KCNH1: variants seen among roughly 807,000 people sequenced by gnomAD.
KCNH1 encodes the protein voltage-gated delayed rectifier potassium channel KCNH1.
Under a neutral mutation model 69.2 loss-of-function variants are expected in KCNH1, and 27 were observed. The observed-to-expected ratio is 0.39, with a 90% CI of 0.29 to 0.54. The LOEUF is 0.54. Among genes scored for constraint, KCNH1 ranks in the 20% least tolerant of loss-of-function variants. KCNH1 has a pLI of 0.68. For missense variants in KCNH1, 798 were observed against 1,261.6 expected (o/e 0.63, Z 5.57); for synonymous variants, 456 against 487.7 (o/e 0.93, Z 0.86).
chr1:210,965,259 G>A (rs1688377134), intron 6 of KCNH1, among the ~76,000 whole-genome samples: 1 of 152,066 alleles, frequency 6.6e-6, no homozygotes, highest in Non-Finnish European at 1.5e-5. Flanking sequence ...AGAGCAATCA[G>A]GCAAGAGAAA....
chr1:210,693,837 G>A (rs1367442050), intron 10 of KCNH1, among the ~76,000 whole-genome samples: 1 of 152,138 alleles, frequency 6.6e-6, no homozygotes, highest in Non-Finnish European at 1.5e-5. Context: ...GGGTATCCCT[G>A]GGAGACGCAT....
intron 10 of KCNH1, among the ~76,000 whole-genome samples, chr1:210,746,072 G>C (rs1683145867): frequency 6.6e-6 from 1 of 152,098 alleles, no homozygotes; most frequent in African/African-American, 2.4e-5. Flanking sequence ...CAGCATCCTG[G>C]GATCTAGTTG....
At chr1:210,687,866 C>T (rs901683242) in intron 10 of KCNH1, among the ~76,000 whole-genome samples, 4 of 152,180 alleles carry the variant, frequency 2.6e-5, no homozygotes, top group Non-Finnish European at 4.4e-5. Context: ...AGATGCTCCA[C>T]AGCTCCCCAT....
intron 5 of KCNH1, among the ~76,000 whole-genome samples, chr1:211,077,890 C>A (rs1171859108): frequency 6.6e-6 from 1 of 150,916 alleles, no homozygotes; most frequent in Non-Finnish European, 1.5e-5. Flanking sequence ...CACATATAGG[C>A]TCAAAATAAA....
chr1:210,994,312 C>A (rs1688985388), intron 6 of KCNH1, among the ~76,000 whole-genome samples: 1 of 152,132 alleles, frequency 6.6e-6, no homozygotes, highest in Non-Finnish European at 1.5e-5. Context: ...ATCTGAATGC[C>A]TATTGTGTGC....
chr1:210,784,694 A>C (rs1008988015), intron 9 of KCNH1, among the ~76,000 whole-genome samples: 3 of 149,896 alleles, frequency 2.0e-5, no homozygotes, highest in African/African-American at 7.5e-5. Flanking sequence ...ATATTCAAGA[A>C]ACATTTGTTT....
chr1:210,954,321 T>C (rs1339013115), intron 6 of KCNH1, among the ~76,000 whole-genome samples: 1 of 152,244 alleles, frequency 6.6e-6, no homozygotes, highest in Non-Finnish European at 1.5e-5. Flanking sequence ...ACATTTGGGT[T>C]GGTTCCAAGT....
chr1:210,775,567 A>G, intron 9 of KCNH1, 23 bp from the exon 10 acceptor site: 2 of 1,602,710 alleles, frequency 1.2e-6, no homozygotes, highest in Non-Finnish European at 1.7e-6. Context: ...GGTTGTCATG[A>G]GGAAAGTGTT....
At chr1:210,841,290 T>C (rs1289003001) in intron 7 of KCNH1, among the ~76,000 whole-genome samples, 2 of 152,142 alleles carry the variant, frequency 1.3e-5, no homozygotes, top group South Asian at 2.1e-4. Context: ...ATTAATACCA[T>C]AAAAGGCCAG....
chr1:210,695,487 C>G (rs1681619100), intron 10 of KCNH1, among the ~76,000 whole-genome samples: 1 of 152,182 alleles, frequency 6.6e-6, no homozygotes, highest in Non-Finnish European at 1.5e-5. Flanking sequence ...GCACCTGAGA[C>G]TATCAATATA....
At chr1:211,073,637 C>T (rs1208787129) in intron 5 of KCNH1, among the ~76,000 whole-genome samples, 1 of 151,874 alleles carries the variant, frequency 6.6e-6, no homozygotes, top group Non-Finnish European at 1.5e-5. Flanking sequence ...AAGAATATAT[C>T]TCAAGAGAAA....
chr1:211,037,492 C>CTTTTTTT (rs59386390), intron 5 of KCNH1, among the ~76,000 whole-genome samples: 5 of 115,394 alleles, frequency 4.3e-5, no homozygotes, highest in African/African-American at 1.0e-4. Flanking sequence ...TAATTCAGTG[C>CTTTTTTT]TTTTTTTTTT....
chr1:211,125,133 G>A (rs192694782), intron 1 of KCNH1, among the ~76,000 whole-genome samples: 2 of 152,280 alleles, frequency 1.3e-5, no homozygotes, highest in East Asian at 1.9e-4. Context: ...AGATGACCTC[G>A]CAGGAAAGAA....
At chr1:210,907,809 G>A (rs577337681) in intron 7 of KCNH1, among the ~76,000 whole-genome samples, 6 of 152,322 alleles carry the variant, frequency 3.9e-5, no homozygotes, top group African/African-American at 1.2e-4. Context: ...AAGGAGAGCA[G>A]ATGCTACCAG....
chr1:211,004,990 T>C (rs1192493069), intron 6 of KCNH1, among the ~76,000 whole-genome samples: 1 of 152,054 alleles, frequency 6.6e-6, no homozygotes, highest in East Asian at 1.9e-4. Context: ...ATAATAAAGT[T>C]AGTAAATTGG....
intron 7 of KCNH1, among the ~76,000 whole-genome samples, chr1:210,825,205 T>G (rs1685010341): frequency 6.6e-6 from 1 of 152,188 alleles, no homozygotes; most frequent in Non-Finnish European, 1.5e-5. Flanking sequence ...AAAAATGGTG[T>G]TCTATGAAGA....
At chr1:211,106,260 G>A (rs1203819388) in intron 2 of KCNH1, among the ~76,000 whole-genome samples, 1 of 152,224 alleles carries the variant, frequency 6.6e-6, no homozygotes, top group Non-Finnish European at 1.5e-5. Context: ...GGCACAGCAG[G>A]GGAATGTCTG....
intron 7 of KCNH1, among the ~76,000 whole-genome samples, chr1:210,820,094 T>C (rs1418092471): frequency 6.6e-6 from 1 of 152,250 alleles, no homozygotes; most frequent in Non-Finnish European, 1.5e-5. Flanking sequence ...TAAATTATTG[T>C]TGTTGTTTTA....
chr1:210,701,040 C>T (rs1681762165), intron 10 of KCNH1, among the ~76,000 whole-genome samples: 1 of 152,132 alleles, frequency 6.6e-6, no homozygotes, highest in Non-Finnish European at 1.5e-5. Context: ...CGGGTTCACG[C>T]CACTCTCCTG....
Sources: gnomAD v4.1 joint callset for allele counts (sites outside exome capture counted in the v4.1 genomes callset) on GRCh38, gnomAD v4.1.1 for gene constraint, MANE v1.5 for transcripts, NCBI Gene and HGNC (gene_info 2026-07-23, HGNC 2026-07-21) for gene names.